The following SLC25A18 variants were observed in gnomAD, a reference collection of about 807,000 sequenced individuals.
SLC25A18 encodes the protein solute carrier family 25 member 18, also known as mitochondrial glutamate carrier 2.
A neutral mutation model predicts 31.1 loss-of-function variants in SLC25A18; 24 were observed. The observed-to-expected ratio is 0.77, with a 90% confidence interval of 0.56 to 1.08. SLC25A18 has a LOEUF of 1.08. Among genes scored for constraint, SLC25A18 ranks in the 50% least tolerant of loss-of-function variants. The probability of loss-of-function intolerance (pLI) is 0.00; values close to 1 mark genes in which losing one functional copy is unlikely to be tolerated. For missense variants in SLC25A18, 371 were observed against 418.5 expected (o/e 0.89, Z 0.99); for synonymous variants, 173 against 161.9 (o/e 1.07, Z -0.52).
At chr22:17,568,449 A>C (rs2056996681) in intron 1 of SLC25A18, among the ~76,000 whole-genome samples, 1 of 151,992 alleles carries the variant, frequency 6.6e-6, no homozygotes, top group South Asian at 2.1e-4. Flanking sequence ...ACACCTTTAA[A>C]TAAGGAAGAG....
rs1193691343 is a variant in SLC25A18 at position 17,583,516 on chromosome 22, C to G, written c.391C>G (p.Gln131Glu). The change falls in exon 7 of 11, where the codon CAG (glutamine) becomes GAG (glutamate). Residue 131 changes from glutamine (Q) to glutamate (E), a missense_variant. Coordinates refer to ENST00000327451, the MANE Select transcript of SLC25A18 (RefSeq NM_031481.3). ...CPMEMLKIQLQDAGRLAVHHQ... is the reference protein window; with the variant it reads ...CPMEMLKIQLEDAGRLAVHHQ... Reference sequence around the variant, plus strand: ...CATGGAAATGCTCAAGATTCAGCTGCAGGATGCTGGACGCCTGGGTGAGGC... The same window carrying G: ...CATGGAAATGCTCAAGATTCAGCTGGAGGATGCTGGACGCCTGGGTGAGGC... 1 of 1,613,794 alleles carries G rather than the reference C, an allele frequency of 6.2e-7. No individual in the cohort carries two copies. Among genetic ancestry groups the G allele is most frequent in the Non-Finnish European group, 8.5e-7 (1 of 1,180,012 alleles).
intron 2 of SLC25A18, among the ~76,000 whole-genome samples, chr22:17,579,306 C>T (rs1269711346): frequency 2.0e-5 from 3 of 152,092 alleles, no homozygotes; most frequent in Admixed American, 6.6e-5. Flanking sequence ...AGGCTGGTCT[C>T]GAACTCCTGA....
intron 1 of SLC25A18, among the ~76,000 whole-genome samples, chr22:17,565,391 T>TGATCATA (rs2056909944): frequency 6.6e-6 from 1 of 151,884 alleles, no homozygotes; most frequent in Admixed American, 6.6e-5. Flanking sequence ...AAATTTTCTA[T>TGATCATA]TTTTTAATAG....
intron 2 of SLC25A18, among the ~76,000 whole-genome samples, chr22:17,574,987 G>A (rs953292682): frequency 6.6e-6 from 1 of 151,934 alleles, no homozygotes; most frequent in African/African-American, 2.4e-5. Flanking sequence ...GAGTACCTGG[G>A]ATTACAGACA....
chr22:17,580,552 T>TC lies in SLC25A18; in HGVS notation c.21-478dup, dbSNP rs533787220. Reference sequence around the variant, plus strand: ...TCTTATTATGAACAATAGCTGGCATTCCCCCCCAGGCACGGTTTCCATAGT... The same window carrying TC: ...TCTTATTATGAACAATAGCTGGCATTCCCCCCCCAGGCACGGTTTCCATAGT... On this transcript the variant is annotated intron_variant, in intron 3 of 10. Coordinates refer to ENST00000327451, the MANE Select transcript of SLC25A18 (RefSeq NM_031481.3). 131 of 989,514 alleles carry TC rather than the reference T, an allele frequency of 1.3e-4. No homozygotes were observed. The African/African-American group carries it at 2.0e-3, about 15-fold the overall frequency. The allele number at this position is 989,514 out of a possible 1,614,324, so 61.3% of individuals were successfully genotyped here.
At chr22:17,572,853 G>A (rs969593401) in intron 2 of SLC25A18, among the ~76,000 whole-genome samples, 1 of 151,890 alleles carries the variant, frequency 6.6e-6, no homozygotes, top group Non-Finnish European at 1.5e-5. Context: ...GTGTTAGCCA[G>A]GATGGTCTCA....
intron 5 of SLC25A18, chr22:17,581,780 G>T (rs575514726): frequency 1.3e-5 from 3 of 229,270 alleles, no homozygotes; most frequent in Admixed American, 5.1e-5. Flanking sequence ...GCGTTGCTGC[G>T]GTCCCTGCGG....
chr22:17,578,900 CA>C (rs894905490), intron 2 of SLC25A18, among the ~76,000 whole-genome samples: 12 of 151,940 alleles, frequency 7.9e-5, no homozygotes, highest in Non-Finnish European at 1.6e-4. Flanking sequence ...AACTCCATCT[CA>C]AAAAAATAGC....
At chr22:17,582,485 G>A (rs1403041782) in intron 5 of SLC25A18, 78 bp from the exon 6 acceptor site, 1 of 1,265,866 alleles carries the variant, frequency 7.9e-7, no homozygotes, top group East Asian at 2.6e-5. Flanking sequence ...GACTGGCCTG[G>A]CTAGGGCTGA....
At chr22:17,568,227 T>C (rs1009670920) in intron 1 of SLC25A18, among the ~76,000 whole-genome samples, 2 of 151,286 alleles carry the variant, frequency 1.3e-5, no homozygotes, top group Non-Finnish European at 2.9e-5. Context: ...GTTAGCCGGG[T>C]GTGGTGGTGG....
intron 1 of SLC25A18, among the ~76,000 whole-genome samples, chr22:17,564,675 C>CACG (rs1181297215): frequency 1.9e-4 from 29 of 151,590 alleles, no homozygotes; most frequent in African/African-American, 7.0e-4. Flanking sequence ...TCCTGGCTAA[C>CACG]GTGAAACCCC....
chr22:17,590,213 C>T lies in SLC25A18; in HGVS notation c.925C>T (p.Arg309Cys), dbSNP rs776604268. The T allele has an allele frequency of 1.1e-5, 18 of 1,614,068 alleles. No homozygotes were observed. The highest frequency in any genetic ancestry group is 6.6e-5 in the South Asian group (6 of 91,078). The change falls in exon 11 of 11, where the codon CGC becomes TGC. Residue 309 changes from arginine to cysteine, a missense_variant. By Grantham distance (180) the Arg-to-Cys change is radical (BLOSUM62 -3). Transcript: ENST00000327451. ...QGVYFIGIGE[R>C]ILKCFD The stretch of plus-strand genomic sequence containing the variant: ...GGTCTATTTTATTGGGATTGGAGAG[C>T]GCATCTTAAAGTGTTTTGACTAGAC...
rs1241444494 is a variant in SLC25A18 at position 17,572,636 on chromosome 22, AATTTTTTT to A, written c.-201+2651_-201+2658del. 2.9e-4 allele frequency among the ~76,000 whole-genome samples: 30 copies of A among 103,116 alleles called. 2 individuals carry two copies. Among genetic ancestry groups the A allele is most frequent in the African/African-American group, 1.0e-3 (29 of 28,114 alleles). The allele number at this position is 103,116 out of a possible 152,430, so 67.6% of individuals were successfully genotyped here. On this transcript the variant is annotated intron_variant, in intron 2 of 10. Transcript: ENST00000327451. ...TGGCGAGACCCCATCTCTACAAATA[AATTTTTTT>A]TTTTTTTTTTTTTTTGAGACGGAGT...
intron 3 of SLC25A18, 132 bp downstream of exon 3, chr22:17,580,096 A>G: frequency 2.6e-6 from 2 of 770,280 alleles, no homozygotes; most frequent in Non-Finnish European, 4.3e-6. Flanking sequence ...TCCCCCATAT[A>G]ACATATACAC....
At chr22:17,577,755 GT>G (rs2057270510) in intron 2 of SLC25A18, among the ~76,000 whole-genome samples, 1 of 145,736 alleles carries the variant, frequency 6.9e-6, no homozygotes. Flanking sequence ...TAATTTTTGT[GT>G]TTTTAGTAGA....
intron 5 of SLC25A18, 31 bp downstream of exon 5, chr22:17,581,444 G>T (rs767387732): frequency 2.0e-5 from 32 of 1,613,182 alleles, no homozygotes; most frequent in Non-Finnish European, 2.6e-5. Context: ...GGGAGGCTGG[G>T]CAGCAGGTGT....
intron 2 of SLC25A18, among the ~76,000 whole-genome samples, chr22:17,571,185 C>T (rs1466690522): frequency 6.6e-6 from 1 of 152,074 alleles, no homozygotes; most frequent in Non-Finnish European, 1.5e-5. Flanking sequence ...CCCACTTGGC[C>T]GTTTGGAAGG....
At chr22:17,572,949 A>G (rs2146219289) in intron 2 of SLC25A18, among the ~76,000 whole-genome samples, 1 of 152,172 alleles carries the variant, frequency 6.6e-6, no homozygotes, top group Non-Finnish European at 1.5e-5. Context: ...CCCTCTACAA[A>G]TAATTTTTTA....
chr22:17,587,409 C>T, intron 8 of SLC25A18, 108 bp downstream of exon 8: 4 of 1,367,336 alleles, frequency 2.9e-6, no homozygotes, highest in Non-Finnish European at 3.9e-6. Context: ...ATATCCAAAC[C>T]CAGGTGAGCA....
Sources: gnomAD v4.1 joint callset for allele counts (sites outside exome capture counted in the v4.1 genomes callset) on GRCh38, gnomAD v4.1.1 for gene constraint, MANE v1.5 for transcripts, NCBI Gene and HGNC (gene_info 2026-07-23, HGNC 2026-07-21) for gene names.